Variants in ANK2 observed in about 807,000 individuals in gnomAD.
ANK2 encodes ankyrin-2.
A neutral mutation model predicts 360.5 loss-of-function variants in ANK2; 83 were observed. That is an observed-to-expected ratio of 0.23 (90% CI 0.19 to 0.28). The LOEUF is 0.28. Among genes scored for constraint, ANK2 ranks in the 10% least tolerant of loss-of-function variants. The pLI, the probability that ANK2 is intolerant of heterozygous loss-of-function variation, is 1.00. For missense variants in ANK2, 4,201 were observed against 4,795.7 expected (o/e 0.88, Z 3.66); for synonymous variants, 1,740 against 1,759.5 (o/e 0.99, Z 0.28).
Position 113,149,423 on chromosome 4 carries a change from C to G in ANK2, c.85-24993C>G, listed in dbSNP as rs1394203973. Among the ~76,000 whole-genome samples, 4 of 151,780 alleles carry G rather than the reference C, an allele frequency of 2.6e-5. No individual in the cohort carries two copies. In the South Asian group the frequency reaches 8.3e-4, roughly 32 times the overall value. ...GTTTAAATGGTATAGTATTGTCTTC[C>G]GTAAAAGTTTTATAAAAGATAAGGA... On this transcript the variant is annotated intron_variant, in intron 1 of 45. Transcript: ENST00000357077.
chr4:112,738,879 A>G, the ANK2 span: 1 of 669,082 alleles, frequency 1.5e-6, no homozygotes, highest in Non-Finnish European at 2.7e-6. Flanking sequence ...ACAAACAAAC[A>G]AACAAACAAA....
chr4:113,177,346 C>A (rs2098254986), intron 2 of ANK2, among the ~76,000 whole-genome samples: 1 of 152,218 alleles, frequency 6.6e-6, no homozygotes. Flanking sequence ...TCCCAAAGTG[C>A]TGGGATTACA....
rs2096457857 is a variant in ANK2, at chr4:113,365,086, G to T, written c.10936G>T (p.Val3646Phe). 4 of 1,613,934 alleles carry T rather than the reference G, an allele frequency of 2.5e-6. No homozygotes were observed. In the East Asian group the frequency reaches 6.7e-5, roughly 27 times the overall value. The change falls in exon 41 of 46, where the codon GTT becomes TTT. Residue 3646 changes from valine to phenylalanine, a missense_variant. By Grantham distance (50) the Val-to-Phe change is conservative (BLOSUM62 -1). Around this residue, in one of 4 missense-constraint regions of ANK2, gnomAD observed 2,642 missense variants for 2,714.5 expected, o/e 0.97. Transcript: ENST00000357077. ...CACCAAGATCAACCGAATGGATATT[G>T]TTCATCTCATGGAGACCAACACAGA... ...CLTKINRMDI[V>F]HLMETNTEPL... is the part of the protein sequence containing the mutation.
chr4:113,039,599 G>T (rs995558712), intron 2 of ANK2, among the ~76,000 whole-genome samples: 1 of 151,804 alleles, frequency 6.6e-6, no homozygotes, highest in African/African-American at 2.4e-5. Context: ...GAGGAGTGGG[G>T]GCTCCTGAAT....
At chr4:113,116,977 C>T (rs10470912) in intron 1 of ANK2, 1 of 257,518 alleles carries the variant, frequency 3.9e-6, no homozygotes, top group Admixed American at 4.7e-5. Flanking sequence ...AGCTGGAAGT[C>T]TAGTGCTCCG....
rs573413898 is a variant in ANK2, at chr4:113,372,975, T to C, written c.11611-115T>C. The C allele has an allele frequency of 1.3e-5, 12 of 949,864 alleles. No individual in the cohort carries two copies. The African/African-American group carries it at 1.6e-4, about 13-fold the overall frequency. The allele number at this position is 949,864 out of a possible 1,614,324, so 58.8% of individuals were successfully genotyped here. ...TTGACAGGATTTTGTATCTCAGCAATGCTTCTCAACATCGCCTTTGATTTT... is the reference window on the plus strand; with the variant it reads ...TTGACAGGATTTTGTATCTCAGCAACGCTTCTCAACATCGCCTTTGATTTT... On this transcript the variant is annotated intron_variant, in intron 43 of 45. Coordinates refer to ENST00000357077, the MANE Select transcript of ANK2 (RefSeq NM_001148.6).
chr4:112,742,492 A>G, the ANK2 span, among the ~76,000 whole-genome samples: 4 of 152,052 alleles, frequency 2.6e-5, no homozygotes, highest in Admixed American at 1.3e-4. Context: ...GTAGGTTGTC[A>G]GAAGGGCCTT....
intron 1 of ANK2, among the ~76,000 whole-genome samples, chr4:113,059,285 A>C (rs985789953): frequency 6.6e-6 from 1 of 152,042 alleles, no homozygotes; most frequent in Non-Finnish European, 1.5e-5. Flanking sequence ...CTTAAATAGT[A>C]TTTTCTGTAA....
chr4:113,034,200 G>A (rs572236373), intron 2 of ANK2, among the ~76,000 whole-genome samples: 25 of 152,018 alleles, frequency 1.6e-4, no homozygotes, highest in African/African-American at 5.5e-4. Context: ...TATCAAGAGC[G>A]GAAATCAAGA....
At chr4:112,852,291 T>A (rs573897062) in intron 1 of ANK2, among the ~76,000 whole-genome samples, 2 of 152,330 alleles carry the variant, frequency 1.3e-5, no homozygotes, top group South Asian at 4.1e-4. Context: ...ATATTCTTCA[T>A]CTTCTAACTC....
At chr4:113,287,273 C>T (rs1462449508) in intron 18 of ANK2, among the ~76,000 whole-genome samples, 2 of 152,168 alleles carry the variant, frequency 1.3e-5, no homozygotes, top group African/African-American at 2.4e-5. Context: ...TAAGTTGATA[C>T]AGCGGGACAT....
chr4:112,818,845 C>T (rs537825716), intron 1 of ANK2, among the ~76,000 whole-genome samples: 2 of 152,232 alleles, frequency 1.3e-5, no homozygotes, highest in African/African-American at 4.8e-5. Flanking sequence ...TGTCAGCTGG[C>T]AGAACAGGTG....
In ANK2 at chr4:113,267,005, A is replaced by T. The variant is rs186856226; in HGVS notation, c.1485+2010A>T. ...ATTTGCATTTCTCTAGTGACCAGTG[A>T]TGATGAGCTTTTTCTCATATTTTGT... On this transcript the variant is annotated intron_variant, in intron 14 of 45. Coordinates refer to ENST00000357077, the MANE Select transcript of ANK2 (RefSeq NM_001148.6). 3.9e-5 allele frequency among the ~76,000 whole-genome samples: 6 copies of T among 152,350 alleles called. No homozygotes were observed. In the East Asian group the frequency reaches 1.2e-3, roughly 29 times the overall value.
intron 1 of ANK2, among the ~76,000 whole-genome samples, chr4:112,874,290 T>G (rs2074278672): frequency 6.8e-6 from 1 of 146,986 alleles, no homozygotes; most frequent in Non-Finnish European, 1.5e-5. Flanking sequence ...ACCATGTTGG[T>G]CAGGCTGGTG....
chr4:113,102,623 G>A (rs550330168), intron 1 of ANK2, among the ~76,000 whole-genome samples: 1 of 152,212 alleles, frequency 6.6e-6, no homozygotes, highest in African/African-American at 2.4e-5. Context: ...GGAGAAAGTT[G>A]AGTGCCAGAA....
At chr4:113,291,800 G>A (rs1273911667) in intron 20 of ANK2, among the ~76,000 whole-genome samples, 1 of 152,192 alleles carries the variant, frequency 6.6e-6, no homozygotes, top group Non-Finnish European at 1.5e-5. Context: ...TCTGAACCTC[G>A]CCCGATTGTG....
chr4:112,816,673 A>G (rs1017092180), upstream of ANK2, among the ~76,000 whole-genome samples: 2 of 152,202 alleles, frequency 1.3e-5, no homozygotes, highest in African/African-American at 4.8e-5. Context: ...ACAGCTAATT[A>G]TTAAACTAAG....
the ANK2 span, among the ~76,000 whole-genome samples, chr4:112,776,150 A>G: frequency 0.096 from 14,675 of 152,246 alleles, 898 homozygotes; most frequent in Middle Eastern, 0.14. Context: ...GGATACTGTA[A>G]GGGAAGAAAA....
chr4:112,868,997 G>C (rs1421562101), intron 1 of ANK2, among the ~76,000 whole-genome samples: 1 of 151,844 alleles, frequency 6.6e-6, no homozygotes, highest in Non-Finnish European at 1.5e-5. Context: ...GTCTCACTCT[G>C]TCACCTAGGC....
Sources: allele counts gnomAD v4.1 joint callset (sites outside exome capture counted in the v4.1 genomes callset), GRCh38; gene constraint gnomAD v4.1.1; regional missense constraint gnomAD v4.1.1; transcripts MANE v1.5; gene names NCBI Gene and HGNC (gene_info 2026-07-23, HGNC 2026-07-21).